GRM3: variants seen among roughly 807,000 people sequenced by gnomAD.
The protein encoded by GRM3 is glutamate metabotropic receptor 3.
A neutral mutation model predicts 70.5 loss-of-function variants in GRM3; 26 were observed. The ratio of observed to expected loss-of-function variants is 0.37; its 90% CI spans 0.27 to 0.51. The LOEUF (loss-of-function observed/expected upper bound fraction) is 0.51. Ranked by LOEUF, GRM3 falls within the 20% of genes least tolerant of loss-of-function variation. The pLI is 0.93. For missense variants in GRM3, 859 were observed against 1,123.8 expected (o/e 0.76, Z 3.37); for synonymous variants, 443 against 434.9 (o/e 1.02, Z -0.23).
chr7:86,779,235 A>T (rs1252599769), intron 2 of GRM3, among the ~76,000 whole-genome samples: 1 of 152,218 alleles, frequency 6.6e-6, no homozygotes, highest in Non-Finnish European at 1.5e-5. Context: ...AAGTGGTGTG[A>T]GTTGATTCCT....
At chr7:86,721,440 G>A (rs1330399157) in intron 1 of GRM3, among the ~76,000 whole-genome samples, 1 of 152,074 alleles carries the variant, frequency 6.6e-6, no homozygotes, top group African/African-American at 2.4e-5. Flanking sequence ...TAATGCCTAA[G>A]TATTTCTATA....
chr7:86,782,186 C>G (rs1797085563), intron 2 of GRM3, among the ~76,000 whole-genome samples: 1 of 150,266 alleles, frequency 6.7e-6, no homozygotes, highest in Admixed American at 6.6e-5. Context: ...TCCTCCTTCC[C>G]TTTCACCCTG....
chr7:86,656,300 G>A (rs1021120196), intron 1 of GRM3, among the ~76,000 whole-genome samples: 3 of 110,580 alleles, frequency 2.7e-5, no homozygotes, highest in African/African-American at 7.2e-5. Flanking sequence ...GAGTCTTGCT[G>A]TGTTGCCCAG....
rs763641866 is a variant in GRM3, at chr7:86,838,872, T to A, written c.1358T>A (p.Ile453Lys). The A allele has an allele frequency of 9.3e-6, 15 of 1,612,006 alleles. No homozygotes were observed. Among genetic ancestry groups the A allele is most frequent in the Non-Finnish European group, 1.2e-5 (14 of 1,178,476 alleles). Residue 453 changes from isoleucine (I) to lysine (K), a missense_variant, in exon 4 of 6, where the codon ATA becomes AAA. By Grantham distance (102) the Ile-to-Lys change is moderately radical (BLOSUM62 -3). Coordinates refer to ENST00000361669, the MANE Select transcript of GRM3 (RefSeq NM_000840.3). The stretch of plus-strand genomic sequence containing the variant: ...AACCCAAATAAAGATGCAGATAGCA[T>A]AGTCAAGTTTGACACTTTTGGAGAT... ...PFNPNKDADSIVKFDTFGDGM... is the reference protein window; with the variant it reads ...PFNPNKDADSKVKFDTFGDGM...
chr7:86,786,891 C>T lies in GRM3; in HGVS notation c.1099C>T (p.Arg367Cys), dbSNP rs1424545744. 1 of 1,614,208 alleles carries T rather than the reference C, an allele frequency of 6.2e-7. No individual in the cohort carries two copies. Among genetic ancestry groups the T allele is most frequent in the Non-Finnish European group, 8.5e-7 (1 of 1,180,022 alleles). ...QKFQCSLQNKRNHRRVCDKHL... is the reference protein window; with the variant it reads ...QKFQCSLQNKCNHRRVCDKHL... The stretch of plus-strand genomic sequence containing the variant: ...GTTTCAGTGCAGCCTCCAGAACAAA[C>T]GCAACCACAGGCGCGTCTGCGACAA... The change falls in exon 3 of 6, where the codon CGC becomes TGC. Residue 367 changes from arginine (R) to cysteine (C), a missense_variant. Arg to Cys is a radical substitution (Grantham distance 180, BLOSUM62 -3). Coordinates refer to ENST00000361669, the MANE Select transcript of GRM3 (RefSeq NM_000840.3). The surrounding 1 kb of genome is among the most constrained non-coding windows in gnomAD (Gnocchi z 6.0).
intron 1 of GRM3, among the ~76,000 whole-genome samples, chr7:86,690,649 T>C (rs1018783854): frequency 2.6e-5 from 4 of 152,054 alleles, no homozygotes; most frequent in African/African-American, 7.2e-5. Context: ...TCTGGGTAGA[T>C]AGTGACACCA....
At chr7:86,782,424 A>C (rs1797095142) in intron 2 of GRM3, among the ~76,000 whole-genome samples, 1 of 151,902 alleles carries the variant, frequency 6.6e-6, no homozygotes, top group African/African-American at 2.4e-5. Flanking sequence ...TTCTCAATGG[A>C]GAGAATGAGA....
chr7:86,791,012 TA>T (rs1460733523), intron 3 of GRM3, among the ~76,000 whole-genome samples: 2 of 152,188 alleles, frequency 1.3e-5, no homozygotes, highest in Non-Finnish European at 2.9e-5. Context: ...CACTAGAATA[TA>T]AGCTCCACAA....
At position 86,765,017 on chromosome 7, in the gene GRM3, C is replaced by G; in HGVS notation, c.-129C>G. 1.4e-6 allele frequency: 2 copies of G among 1,468,926 alleles called. No individual in the cohort carries two copies. Among genetic ancestry groups the G allele is most frequent in the Non-Finnish European group, 1.8e-6 (2 of 1,117,856 alleles). The allele number at this position is 1,468,926 out of a possible 1,614,324, so 91.0% of individuals were successfully genotyped here. On this transcript the variant is annotated 5_prime_UTR_variant, in exon 2 of 6. Coordinates refer to ENST00000361669, the MANE Select transcript of GRM3 (RefSeq NM_000840.3). ...TTTTATCTCTTTAGGAATTTTGTGA[C>G]AGGCTCTGTTAGTCTGTTCCTCCCT... is the stretch of plus-strand genomic sequence containing the variant.
chr7:86,718,578 A>G (rs904633787), intron 1 of GRM3, among the ~76,000 whole-genome samples: 1 of 151,946 alleles, frequency 6.6e-6, no homozygotes, highest in Admixed American at 6.6e-5. Flanking sequence ...TTCCAATGAC[A>G]CTGATGCTGA....
intron 1 of GRM3, among the ~76,000 whole-genome samples, chr7:86,688,832 A>G (rs1036691716): frequency 1.3e-4 from 19 of 147,698 alleles, no homozygotes; most frequent in East Asian, 5.9e-4. Flanking sequence ...ATATATATAT[A>G]TGTGTTGACT....
intron 1 of GRM3, among the ~76,000 whole-genome samples, chr7:86,670,551 A>T (rs1246677731): frequency 6.6e-6 from 1 of 152,194 alleles, no homozygotes; most frequent in East Asian, 1.9e-4. Context: ...TGGCATTTTG[A>T]ATCCACTCCT....
At chr7:86,761,914 C>G (rs566302222) in intron 1 of GRM3, among the ~76,000 whole-genome samples, 86 of 152,214 alleles carry the variant, frequency 5.6e-4, no homozygotes, top group African/African-American at 2.0e-3. Context: ...ATTAAGCTTT[C>G]TATAGACTAT....
At chr7:86,770,863 G>A (rs1245909431) in intron 2 of GRM3, among the ~76,000 whole-genome samples, 1 of 152,082 alleles carries the variant, frequency 6.6e-6, no homozygotes, top group Admixed American at 6.6e-5. Context: ...GTTGACTCTA[G>A]AGCAACCTTG....
intron 1 of GRM3, among the ~76,000 whole-genome samples, chr7:86,719,790 G>C (rs550746383): frequency 6.6e-6 from 1 of 152,098 alleles, no homozygotes; most frequent in South Asian, 2.1e-4. Context: ...GGAAATCATA[G>C]AGGACTATTC....
chr7:86,860,449 C>T (rs1448141661), intron 5 of GRM3, among the ~76,000 whole-genome samples: 1 of 152,054 alleles, frequency 6.6e-6, no homozygotes, highest in Non-Finnish European at 1.5e-5. Context: ...GCAGAAGCTA[C>T]CGATGAAATA....
chr7:86,776,869 C>G (rs1796905719), intron 2 of GRM3, among the ~76,000 whole-genome samples: 2 of 152,178 alleles, frequency 1.3e-5, no homozygotes, highest in South Asian at 4.1e-4. Context: ...AGATATGACA[C>G]AGACTTTTTG....
intron 1 of GRM3, among the ~76,000 whole-genome samples, chr7:86,655,422 T>G (rs1234895456): frequency 6.6e-6 from 1 of 152,176 alleles, no homozygotes; most frequent in East Asian, 1.9e-4. Context: ...AATTGTGGAA[T>G]AAAATAAAAA....
intron 1 of GRM3, among the ~76,000 whole-genome samples, chr7:86,689,038 T>C (rs79679462): frequency 0.033 from 5,015 of 149,994 alleles, 272 homozygotes; most frequent in African/African-American, 0.12. Flanking sequence ...GAAATAATTC[T>C]GAGTCATTGC....
Sources: allele counts gnomAD v4.1 joint callset (sites outside exome capture counted in the v4.1 genomes callset), GRCh38; gene constraint gnomAD v4.1.1; non-coding constraint Gnocchi (gnomAD v3.1); transcripts MANE v1.5; gene names NCBI Gene and HGNC (gene_info 2026-07-23, HGNC 2026-07-21).